DAAM1: variants seen among roughly 807,000 people sequenced by gnomAD.
DAAM1 encodes dishevelled associated activator of morphogenesis 1, also known as disheveled-associated activator of morphogenesis 1.
In DAAM1, 52 loss-of-function variants were observed where a neutral mutation model predicts 130.0. The observed-to-expected ratio is 0.40, with a 90% CI of 0.32 to 0.50. The LOEUF (loss-of-function observed/expected upper bound fraction) is 0.50, where lower values mean the gene tolerates loss of function less well. DAAM1 is among the 20% of genes least tolerant of loss of function. The pLI, the probability that DAAM1 is intolerant of heterozygous loss-of-function variation, is 0.61. For missense variants in DAAM1, 1,134 were observed against 1,303.8 expected (o/e 0.87, Z 2.01); for synonymous variants, 452 against 444.5 (o/e 1.02, Z -0.21).
In DAAM1 at chr14:59,326,018, C is replaced by A. The variant is rs746897793; in HGVS notation, c.1115C>A (p.Thr372Lys). Residue 372 changes from threonine to lysine, a missense_variant, in exon 10 of 25, where the codon ACA (threonine) becomes AAA (lysine). Transcript: ENST00000360909. Reference sequence around the variant, plus strand: ...TTTGAGCTGACCAGGAAGAGGCTGACACATAGTGAAGCTTACCCGCATTTC... The same window carrying A: ...TTTGAGCTGACCAGGAAGAGGCTGAAACATAGTGAAGCTTACCCGCATTTC... ...QMFELTRKRL[T>K]HSEAYPHFMS... 1 of 1,614,202 alleles carries A rather than the reference C, an allele frequency of 6.2e-7. No individual in the cohort carries two copies. The highest frequency in any genetic ancestry group is 8.5e-7 in the Non-Finnish European group (1 of 1,180,028).
At chr14:59,209,499 A>G (rs977362091) in intron 1 of DAAM1, among the ~76,000 whole-genome samples, 22 of 152,220 alleles carry the variant, frequency 1.4e-4, no homozygotes, top group African/African-American at 5.3e-4. Context: ...TGGGAAACCA[A>G]TATGCATTCA....
At chr14:59,349,663 T>C (rs1886212951) in intron 17 of DAAM1, among the ~76,000 whole-genome samples, 1 of 152,364 alleles carries the variant, frequency 6.6e-6, no homozygotes, top group East Asian at 1.9e-4. Context: ...GCTGCTGAGC[T>C]CTGATCTCAG....
intron 19 of DAAM1, 29 bp downstream of exon 19, chr14:59,353,993 G>T: frequency 6.2e-7 from 1 of 1,603,208 alleles, no homozygotes; most frequent in Non-Finnish European, 8.5e-7. Flanking sequence ...GATTGGAAAT[G>T]ATGTTCATCA....
chr14:59,257,202 G>T (rs1881935596), intron 1 of DAAM1, among the ~76,000 whole-genome samples: 1 of 152,016 alleles, frequency 6.6e-6, no homozygotes, highest in African/African-American at 2.4e-5. Flanking sequence ...AGACAACTAT[G>T]GGAAGAACAC....
intron 6 of DAAM1, among the ~76,000 whole-genome samples, chr14:59,323,592 T>C (rs537516807): frequency 6.6e-6 from 1 of 152,158 alleles, no homozygotes; most frequent in Non-Finnish European, 1.5e-5. Flanking sequence ...ATTACTTGGA[T>C]GTAAAAAGCA....
chr14:59,316,249 C>T (rs1458273188), intron 4 of DAAM1, among the ~76,000 whole-genome samples: 7 of 152,078 alleles, frequency 4.6e-5, no homozygotes, highest in Admixed American at 4.6e-4. Flanking sequence ...TACCTCCTTC[C>T]TGCCTTCTCT....
intron 20 of DAAM1, among the ~76,000 whole-genome samples, chr14:59,357,811 C>T (rs571868375): frequency 6.6e-6 from 1 of 152,152 alleles, no homozygotes; most frequent in Admixed American, 6.5e-5. Context: ...TGGAAGGATG[C>T]AGCTGAACAT....
chr14:59,306,644 G>C (rs1241956486), intron 3 of DAAM1, among the ~76,000 whole-genome samples: 2 of 151,722 alleles, frequency 1.3e-5, no homozygotes, highest in African/African-American at 4.8e-5. Flanking sequence ...GTTGAGTATA[G>C]CCTCTTTTCT....
chr14:59,367,463 C>T lies in DAAM1; in HGVS notation c.2861C>T (p.Ala954Val). The T allele has an allele frequency of 6.2e-7, 1 of 1,613,180 alleles. No individual in the cohort carries two copies. The highest frequency in any genetic ancestry group is 8.5e-7 in the Non-Finnish European group (1 of 1,179,366). Residue 954 changes from alanine (A) to valine (V), a missense_variant, in exon 24 of 25, where the codon GCT (alanine) becomes GTT (valine). This residue lies in a region of DAAM1 where 644 missense variants were observed against 695.9 expected (regional missense o/e 0.93). Coordinates refer to ENST00000360909, the MANE Select transcript of DAAM1 (RefSeq NM_001270520.2). ...GCAGTGAAGCACTTTGGGGAAGAGGCTGGCAAAATACAACCAGATGAGTTC... is the reference window on the plus strand; with the variant it reads ...GCAGTGAAGCACTTTGGGGAAGAGGTTGGCAAAATACAACCAGATGAGTTC... Reference protein sequence around the residue: ...TKAVKHFGEEAGKIQPDEFFG... With the variant: ...TKAVKHFGEEVGKIQPDEFFG...
At chr14:59,214,515 A>G (rs552939058) in intron 1 of DAAM1, among the ~76,000 whole-genome samples, 13 of 152,338 alleles carry the variant, frequency 8.5e-5, no homozygotes, top group South Asian at 8.3e-4. Context: ...GATCGACCTC[A>G]ACCCTGACCC....
intron 1 of DAAM1, among the ~76,000 whole-genome samples, chr14:59,216,540 G>A (rs1254417973): frequency 2.0e-5 from 3 of 152,196 alleles, no homozygotes; most frequent in Admixed American, 6.5e-5. Flanking sequence ...GGCCAACATG[G>A]TGAAAGCTCT....
At chr14:59,197,942 A>G (rs1198556672) in intron 1 of DAAM1, among the ~76,000 whole-genome samples, 1 of 152,172 alleles carries the variant, frequency 6.6e-6, no homozygotes, top group East Asian at 1.9e-4. Flanking sequence ...TGGGAGAGGA[A>G]GGCTTACATT....
intron 18 of DAAM1, 46 bp from the exon 19 acceptor site, chr14:59,353,830 T>C (rs1566720269): frequency 6.3e-7 from 1 of 1,577,966 alleles, no homozygotes; most frequent in Admixed American, 1.7e-5. Flanking sequence ...TAAGTGAACC[T>C]AGATATATTA....
At position 59,331,214 on chromosome 14, in the gene DAAM1, C is replaced by A. The variant is rs765736106; in HGVS notation, c.1566C>A (p.Ala522=). The A allele has an allele frequency of 6.2e-7, 1 of 1,612,646 alleles. No homozygotes were observed. The highest frequency in any genetic ancestry group is 8.5e-7 in the Non-Finnish European group (1 of 1,179,880). Residue 522 remains alanine, a synonymous_variant, in exon 14 of 25, where the codon GCC becomes GCA. Coordinates refer to ENST00000360909, the MANE Select transcript of DAAM1 (RefSeq NM_001270520.2). ...TAQLHELSRR[A]VCASIPGGPS... The stretch of plus-strand genomic sequence containing the variant: ...TCCTATTTTTATCTTTTCAGAGGGC[C>A]GTCTGTGCTTCAATCCCAGGTGGAC...
intron 17 of DAAM1, among the ~76,000 whole-genome samples, chr14:59,350,335 C>G (rs1011721119): frequency 6.6e-6 from 1 of 152,050 alleles, no homozygotes; most frequent in Non-Finnish European, 1.5e-5. Context: ...TTAGCTCATT[C>G]AAGTGTCAGC....
intron 3 of DAAM1, among the ~76,000 whole-genome samples, chr14:59,307,852 G>A (rs950852981): frequency 2.0e-5 from 3 of 152,178 alleles, no homozygotes; most frequent in Non-Finnish European, 2.9e-5. Context: ...CTGGCGAGTC[G>A]AGGTCCTATT....
intron 2 of DAAM1, among the ~76,000 whole-genome samples, chr14:59,286,669 A>G (rs2139555388): frequency 6.6e-6 from 1 of 152,310 alleles, no homozygotes. Context: ...TGTGCACACA[A>G]ACAAGGTGTT....
At chr14:59,360,564 A>G (rs573288738) in intron 21 of DAAM1, 3 of 326,628 alleles carry the variant, frequency 9.2e-6, no homozygotes, top group East Asian at 9.4e-5. Context: ...AGATATTTCT[A>G]TTCTATTTTT....
intron 4 of DAAM1, 116 bp downstream of exon 4, chr14:59,315,467 A>G: frequency 2.1e-6 from 2 of 945,436 alleles, no homozygotes; most frequent in Non-Finnish European, 1.6e-6. Context: ...GTACCTTTCC[A>G]AACTCCATCC....
Sources: gnomAD v4.1 joint callset for allele counts (sites outside exome capture counted in the v4.1 genomes callset) on GRCh38, gnomAD v4.1.1 for gene constraint, gnomAD v4.1.1 regional missense constraint, MANE v1.5 for transcripts, NCBI Gene and HGNC (gene_info 2026-07-23, HGNC 2026-07-21) for gene names.